The following XIRP2 variants were observed in gnomAD, a reference collection of about 807,000 sequenced individuals.
XIRP2 encodes the protein xin actin binding repeat containing 2, also known as xin actin-binding repeat-containing protein 2.
Under a neutral mutation model 277.0 loss-of-function variants are expected in XIRP2, and 236 were observed. The observed-to-expected ratio is 0.85, with a 90% CI of 0.77 to 0.95. XIRP2 has a LOEUF of 0.95. Ranked by LOEUF, XIRP2 falls within the 40% of genes least tolerant of loss-of-function variation. The pLI is 0.00. For missense variants in XIRP2, 4,640 were observed against 4,157.5 expected, an observed-to-expected ratio of 1.12 and a Z score of -3.19; for synonymous variants, 1,490 against 1,416.5, an observed-to-expected ratio of 1.05 and a Z score of -1.17.
chr2:166,897,041 G>A (rs1451829276), intron 1 of XIRP2, among the ~76,000 whole-genome samples: 1 of 152,146 alleles, frequency 6.6e-6, no homozygotes, highest in Admixed American at 6.6e-5. Context: ...CTCTAGGTTT[G>A]TGTAAGTACA....
In XIRP2 at chr2:167,043,372, A is replaced by G. The variant is rs572132374; in HGVS notation, c.409-92537A>G. ...TAAAATTGAGAACACAAAAAAAGAT[A>G]CACATTCATACAAAAGATCAATGAA... On this transcript the variant is annotated intron_variant, in intron 2 of 10. Transcript: ENST00000409195. 2.6e-5 allele frequency among the ~76,000 whole-genome samples: 4 copies of G among 152,004 alleles called. No individual in the cohort carries two copies. In the South Asian group the frequency reaches 6.2e-4, roughly 24 times the overall value.
chr2:167,019,291 T>G (rs921756978), intron 2 of XIRP2, among the ~76,000 whole-genome samples: 2 of 152,006 alleles, frequency 1.3e-5, no homozygotes, highest in Non-Finnish European at 2.9e-5. Flanking sequence ...GAAAAACAGT[T>G]GTACTTTAAA....
intron 9 of XIRP2, among the ~76,000 whole-genome samples, chr2:167,252,196 G>A (rs1460043413): frequency 3.9e-5 from 6 of 151,958 alleles, no homozygotes; most frequent in Non-Finnish European, 8.8e-5. Flanking sequence ...AGATTACTGG[G>A]ACATATTTGT....
rs111376199 is a variant in XIRP2, at chr2:167,099,795, T to G, written c.409-36114T>G. Among the ~76,000 whole-genome samples, 1,194 of 152,172 alleles carry G rather than the reference T, an allele frequency of 7.8e-3. 18 individuals carry two copies. Among genetic ancestry groups the G allele is most frequent in the African/African-American group, 0.028 (1,152 of 41,494 alleles). Reference sequence around the variant, plus strand: ...GACCCCTTGTGCTTCCCGGGTGAGATAACACCTTACCCTGCTTCTGCTCGC... The same window carrying G: ...GACCCCTTGTGCTTCCCGGGTGAGAGAACACCTTACCCTGCTTCTGCTCGC... On this transcript the variant is annotated intron_variant, in intron 2 of 10. Coordinates refer to ENST00000409195, the MANE Select transcript of XIRP2 (RefSeq NM_152381.6).
At chr2:166,956,507 G>A (rs1036112078) in intron 2 of XIRP2, among the ~76,000 whole-genome samples, 3 of 151,858 alleles carry the variant, frequency 2.0e-5, no homozygotes, top group African/African-American at 7.2e-5. Flanking sequence ...ATTGTTCCAT[G>A]TAAATTCTTA....
chr2:166,969,339 A>G (rs1464858248), intron 2 of XIRP2, among the ~76,000 whole-genome samples: 1 of 152,012 alleles, frequency 6.6e-6, no homozygotes, highest in Non-Finnish European at 1.5e-5. Flanking sequence ...TACAAAGTGA[A>G]TTTATTCACG....
intron 2 of XIRP2, among the ~76,000 whole-genome samples, chr2:167,081,438 A>C (rs1689731831): frequency 6.6e-6 from 1 of 152,224 alleles, no homozygotes; most frequent in Admixed American, 6.5e-5. Context: ...ACTGTACTCC[A>C]GCCTGGGTGG....
intron 3 of XIRP2, among the ~76,000 whole-genome samples, chr2:167,154,917 A>G (rs1692138854): frequency 6.6e-6 from 1 of 152,108 alleles, no homozygotes; most frequent in South Asian, 2.1e-4. Flanking sequence ...AGGGGATATC[A>G]CCACCGATCC....
At chr2:167,213,753 C>T (rs1694130647) in intron 4 of XIRP2, among the ~76,000 whole-genome samples, 1 of 152,196 alleles carries the variant, frequency 6.6e-6, no homozygotes, top group Admixed American at 6.5e-5. Context: ...CAGACTGCTT[C>T]TTGGGCAGGT....
chr2:167,015,185 C>A (rs1687786931), intron 2 of XIRP2, among the ~76,000 whole-genome samples: 1 of 151,788 alleles, frequency 6.6e-6, no homozygotes, highest in African/African-American at 2.4e-5. Flanking sequence ...AATATTTTTT[C>A]TCTTTTTCTT....
intron 7 of XIRP2, 47 bp from the exon 8 acceptor site, chr2:167,241,730 A>T (rs1280852121): frequency 6.4e-7 from 1 of 1,556,042 alleles, no homozygotes. Context: ...CTTAAACATA[A>T]TTTTTAGTAA....
intron 2 of XIRP2, among the ~76,000 whole-genome samples, chr2:167,081,434 C>A (rs1022200138): frequency 2.0e-5 from 3 of 152,176 alleles, no homozygotes; most frequent in African/African-American, 7.2e-5. Flanking sequence ...CACCACTGTA[C>A]TCCAGCCTGG....
At chr2:167,208,384 TGCAA>T (rs1453156575) in intron 3 of XIRP2, among the ~76,000 whole-genome samples, 2 of 152,186 alleles carry the variant, frequency 1.3e-5, no homozygotes, top group African/African-American at 4.8e-5. Context: ...TTGGCTTCAC[TGCAA>T]GCTTCGCCTC....
chr2:166,960,854 T>C (rs1439216628), intron 2 of XIRP2, among the ~76,000 whole-genome samples: 1 of 151,752 alleles, frequency 6.6e-6, no homozygotes, highest in Non-Finnish European at 1.5e-5. Context: ...AAGCACTTAT[T>C]GGCACCTTGT....
chr2:167,209,430 G>A (rs182061241), intron 3 of XIRP2, among the ~76,000 whole-genome samples: 1 of 152,194 alleles, frequency 6.6e-6, no homozygotes, highest in Non-Finnish European at 1.5e-5. Flanking sequence ...GAGGAGAGAG[G>A]AAGAACAGGG....
chr2:167,217,289 A>AG (rs1034703854), intron 4 of XIRP2, among the ~76,000 whole-genome samples: 1 of 151,808 alleles, frequency 6.6e-6, no homozygotes, highest in African/African-American at 2.4e-5. Flanking sequence ...ATAATAAAAA[A>AG]AAAAAAGAAA....
At chr2:167,062,426 T>C (rs1398671094) in intron 2 of XIRP2, among the ~76,000 whole-genome samples, 1 of 152,174 alleles carries the variant, frequency 6.6e-6, no homozygotes, top group Non-Finnish European at 1.5e-5. Context: ...TAAAATTTTG[T>C]TTAAAAGTTT....
chr2:166,941,862 C>T (rs143104806), intron 2 of XIRP2, among the ~76,000 whole-genome samples: 153 of 152,276 alleles, frequency 1.0e-3, no homozygotes, highest in African/African-American at 3.5e-3. Context: ...AATATTTTTA[C>T]ATTTTCATAC....
chr2:166,979,360 TTTTCTTTTC>T (rs1266002918), intron 2 of XIRP2, among the ~76,000 whole-genome samples: 1 of 128,568 alleles, frequency 7.8e-6, no homozygotes, highest in Non-Finnish European at 1.6e-5. Context: ...TTTTCTTTTC[TTTTCTTTTC>T]TTTTTTTTTT....
Sources: gnomAD v4.1 joint callset for allele counts (sites outside exome capture counted in the v4.1 genomes callset) on GRCh38, gnomAD v4.1.1 for gene constraint, MANE v1.5 for transcripts, NCBI Gene and HGNC (gene_info 2026-07-23, HGNC 2026-07-21) for gene names.